JARID2: variants seen among roughly 807,000 people sequenced by gnomAD.
JARID2 encodes the protein jumonji and AT-rich interaction domain containing 2.
In JARID2, 21 loss-of-function variants were observed where a neutral mutation model predicts 125.6. That is an observed-to-expected ratio of 0.17 (90% CI 0.12 to 0.24). The LOEUF (loss-of-function observed/expected upper bound fraction) is 0.24, where lower values mean the gene tolerates loss of function less well. Among genes scored for constraint, JARID2 ranks in the 10% least tolerant of loss-of-function variants. The probability of loss-of-function intolerance (pLI) is 1.00; values close to 1 mark genes in which losing one functional copy is unlikely to be tolerated. For synonymous variants in JARID2, 736 were observed against 661.6 expected, an observed-to-expected ratio of 1.11 and a Z score of -1.73; for missense variants, 1,303 against 1,639.6, an observed-to-expected ratio of 0.79 and a Z score of 3.55.
intron 1 of JARID2, among the ~76,000 whole-genome samples, chr6:15,288,111 T>C (rs1457523166): frequency 6.6e-6 from 1 of 152,210 alleles, no homozygotes; most frequent in Non-Finnish European, 1.5e-5. Flanking sequence ...GGTGGCATAT[T>C]AGGCCATTCT....
intron 4 of JARID2, among the ~76,000 whole-genome samples, chr6:15,466,844 C>T (rs1226820075): frequency 6.6e-6 from 1 of 152,144 alleles, no homozygotes; most frequent in Admixed American, 6.6e-5. Context: ...TTATTTTACT[C>T]CCTCTTCTAT....
In JARID2 at chr6:15,520,493, G is replaced by A. The variant is rs761615549; in HGVS notation, c.*242G>A. 52 of 413,462 alleles carry A rather than the reference G, an allele frequency of 1.3e-4. No individual in the cohort carries two copies. The highest frequency in any genetic ancestry group is 6.7e-4 in the Middle Eastern group (1 of 1,492). The allele number at this position is 413,462 out of a possible 1,614,324, so 25.6% of individuals were successfully genotyped here. ...GTATAGTCACTGTTTTAAAAACCCCGGAGGGGCTGTATTAATTTGTATTGC... is the reference window on the plus strand; with the variant it reads ...GTATAGTCACTGTTTTAAAAACCCCAGAGGGGCTGTATTAATTTGTATTGC... On this transcript the variant is annotated 3_prime_UTR_variant, in exon 18 of 18. Coordinates refer to ENST00000341776, the MANE Select transcript of JARID2 (RefSeq NM_004973.4).
Position 15,520,059 on chromosome 6 carries a change from C to T in JARID2, c.3559-10C>T, listed in dbSNP as rs765329917. On this transcript the variant is annotated splice_polypyrimidine_tract_variant and intron_variant, in intron 17 of 17. Coordinates refer to ENST00000341776, the MANE Select transcript of JARID2 (RefSeq NM_004973.4). ...TATGTTAACTGTGTCTTCCTTTCAC[C>T]CCCAAACAGGAACAGATTATCAGTC... The T allele has an allele frequency of 3.1e-6, 5 of 1,607,310 alleles. No homozygotes were observed. The South Asian group carries it at 3.3e-5, about 11-fold the overall frequency.
In JARID2 at chr6:15,451,022, G is replaced by T. The variant is rs574922967; in HGVS notation, c.324-984G>T. On this transcript the variant is annotated intron_variant, in intron 3 of 17. Coordinates refer to ENST00000341776, the MANE Select transcript of JARID2 (RefSeq NM_004973.4). ...TACAAAAAATACCAAAATTAGCTGGGCGTGGTGGTGCACGCCTGTAATCCC... is the reference window on the plus strand; with the variant it reads ...TACAAAAAATACCAAAATTAGCTGGTCGTGGTGGTGCACGCCTGTAATCCC... Among the ~76,000 whole-genome samples the T allele has an allele frequency of 3.9e-5, 6 of 152,276 alleles. No homozygotes were observed. The East Asian group carries it at 1.2e-3, about 29-fold the overall frequency.
intron 4 of JARID2, among the ~76,000 whole-genome samples, chr6:15,467,939 T>C (rs1177551193): frequency 6.6e-6 from 1 of 152,168 alleles, no homozygotes; most frequent in East Asian, 1.9e-4. Flanking sequence ...GGAGGTTTAT[T>C]TCTTTATTTT....
chr6:15,460,894 G>A (rs555744259), intron 4 of JARID2, among the ~76,000 whole-genome samples: 3 of 152,118 alleles, frequency 2.0e-5, no homozygotes, highest in Admixed American at 2.0e-4. Flanking sequence ...TAGTAGAGAC[G>A]GGGTTTCACC....
intron 1 of JARID2, among the ~76,000 whole-genome samples, chr6:15,338,556 C>T (rs796311252): frequency 1.3e-5 from 2 of 152,164 alleles, no homozygotes; most frequent in African/African-American, 4.8e-5. Flanking sequence ...AGACCTTTGC[C>T]GACAATATAG....
chr6:15,515,300 C>T (rs1485905221), intron 16 of JARID2, among the ~76,000 whole-genome samples: 3 of 152,122 alleles, frequency 2.0e-5, no homozygotes, highest in Non-Finnish European at 4.4e-5. Flanking sequence ...GCATGGGCCA[C>T]TGCGCCCAGC....
intron 5 of JARID2, among the ~76,000 whole-genome samples, chr6:15,470,922 C>T (rs1397820123): frequency 6.6e-6 from 1 of 152,168 alleles, no homozygotes; most frequent in Non-Finnish European, 1.5e-5. Flanking sequence ...AGAAAGAATT[C>T]TAATAACAGA....
At chr6:15,350,938 T>C (rs1425145462) in intron 1 of JARID2, among the ~76,000 whole-genome samples, 1 of 152,014 alleles carries the variant, frequency 6.6e-6, no homozygotes, top group Non-Finnish European at 1.5e-5. Context: ...TGCTTACTTA[T>C]TCCAGGGTAG....
At position 15,497,649 on chromosome 6, in the gene JARID2, T is replaced by C. The variant is rs1242426322; in HGVS notation, c.1945+479T>C. ...CTGGGTGACAGAGTGAGATTCCGTC[T>C]CAAAAAAAAAAAAAAAGTATTGAGC... is the stretch of plus-strand genomic sequence containing the variant. On this transcript the variant is annotated intron_variant, in intron 7 of 17. Transcript: ENST00000341776. 1.6e-3 allele frequency among the ~76,000 whole-genome samples: 56 copies of C among 35,796 alleles called. No individual in the cohort carries two copies. In the East Asian group the frequency reaches 0.041, roughly 26 times the overall value. 23.5% of individuals were successfully genotyped at this position (35,796 alleles called of 152,430 possible). A position where few individuals can be genotyped will look rare whatever the true frequency, so the allele number is the denominator to read the frequency against.
At chr6:15,384,832 C>A (rs1055204767) in intron 2 of JARID2, among the ~76,000 whole-genome samples, 52 of 152,276 alleles carry the variant, frequency 3.4e-4, no homozygotes, top group Admixed American at 1.8e-3. Flanking sequence ...CTTGGCCTCC[C>A]AGAGTGTTAG....
At chr6:15,451,537 C>G (rs1159912718) in intron 3 of JARID2, among the ~76,000 whole-genome samples, 1 of 152,074 alleles carries the variant, frequency 6.6e-6, no homozygotes, top group Non-Finnish European at 1.5e-5. Flanking sequence ...GCAAAGGTGA[C>G]CTGGATGTAA....
rs151249282 is a variant in JARID2 at position 15,467,152 on chromosome 6, A to T, written c.494-1390A>T. On this transcript the variant is annotated intron_variant, in intron 4 of 17. Transcript: ENST00000341776. ...CCCACATAGTCTTTGCATTTTGGGGAGATGGGTGCTTGGTTTGCCATCTCA... is the reference window on the plus strand; with the variant it reads ...CCCACATAGTCTTTGCATTTTGGGGTGATGGGTGCTTGGTTTGCCATCTCA... Among the ~76,000 whole-genome samples, 418 of 152,298 alleles carry T rather than the reference A, an allele frequency of 2.7e-3. 2 individuals are homozygous for T. Among genetic ancestry groups the T allele is most frequent in the Non-Finnish European group, 4.4e-3 (299 of 68,020 alleles).
At chr6:15,469,308 CTCTCTCTCTG>C (rs1371358438) in intron 5 of JARID2, among the ~76,000 whole-genome samples, 3 of 133,386 alleles carry the variant, frequency 2.2e-5, no homozygotes, top group African/African-American at 5.8e-5. Context: ...GTCTCTGTCT[CTCTCTCTCTG>C]TCTCTCTCTC....
intron 1 of JARID2, among the ~76,000 whole-genome samples, chr6:15,259,709 A>G (rs909692318): frequency 6.6e-6 from 1 of 152,248 alleles, no homozygotes; most frequent in Non-Finnish European, 1.5e-5. Flanking sequence ...GTTAACGTTC[A>G]GTTTTAACCA....
intron 1 of JARID2, among the ~76,000 whole-genome samples, chr6:15,306,599 A>G (rs1561783159): frequency 6.6e-6 from 1 of 151,750 alleles, no homozygotes; most frequent in South Asian, 2.1e-4. Flanking sequence ...CGGCCTCCCA[A>G]AGTACTGGGA....
At chr6:15,495,105 C>T (rs1326129013) in intron 6 of JARID2, among the ~76,000 whole-genome samples, 5 of 152,156 alleles carry the variant, frequency 3.3e-5, no homozygotes. Context: ...GGGGCAGTGG[C>T]CACATTGTGA....
intron 1 of JARID2, chr6:15,249,005 T>C (rs1759324046): frequency 2.1e-6 from 2 of 966,562 alleles, no homozygotes; most frequent in East Asian, 2.3e-4. Flanking sequence ...GGAGTGCCAC[T>C]GGACCCTGTT....
Sources: allele counts gnomAD v4.1 joint callset (sites outside exome capture counted in the v4.1 genomes callset), GRCh38; gene constraint gnomAD v4.1.1; transcripts MANE v1.5; gene names NCBI Gene and HGNC (gene_info 2026-07-23, HGNC 2026-07-21).